Variants in TAFA1 observed in about 807,000 individuals in gnomAD.
TAFA1 encodes the protein chemokine-like protein TAFA-1.
A neutral mutation model predicts 18.5 loss-of-function variants in TAFA1; 4 were observed. That is an observed-to-expected ratio of 0.22 (90% CI 0.11 to 0.49). TAFA1 has a LOEUF of 0.49. Among genes scored for constraint, TAFA1 ranks in the 20% least tolerant of loss-of-function variants. The pLI is 0.98. For missense variants in TAFA1, 147 were observed against 169.0 expected (o/e 0.87, Z 0.72); for synonymous variants, 56 against 55.2 (o/e 1.01, Z -0.06).
intron 3 of TAFA1, among the ~76,000 whole-genome samples, chr3:68,526,578 G>A (rs1249687124): frequency 6.6e-6 from 1 of 152,088 alleles, no homozygotes; most frequent in East Asian, 1.9e-4. Context: ...TATAAAAAGA[G>A]GAAAGAGTAC....
At chr3:68,259,835 G>C (rs1392067802) in intron 2 of TAFA1, among the ~76,000 whole-genome samples, 1 of 152,002 alleles carries the variant, frequency 6.6e-6, no homozygotes, top group Admixed American at 6.6e-5. Context: ...AGGAGATTTT[G>C]GGCTGAGACA....
intron 2 of TAFA1, among the ~76,000 whole-genome samples, chr3:68,158,670 T>G (rs1393330545): frequency 6.6e-6 from 1 of 152,144 alleles, no homozygotes; most frequent in Non-Finnish European, 1.5e-5. Flanking sequence ...ATGCTAGAGT[T>G]GTACTCTGAG....
chr3:68,263,755 C>T (rs910383713), intron 2 of TAFA1, among the ~76,000 whole-genome samples: 1 of 152,032 alleles, frequency 6.6e-6, no homozygotes, highest in African/African-American at 2.4e-5. Flanking sequence ...GCACTGGGCA[C>T]CCAGCATCCT....
intron 2 of TAFA1, among the ~76,000 whole-genome samples, chr3:68,402,199 C>T (rs72914726): frequency 0.055 from 8,345 of 152,072 alleles, 630 homozygotes; most frequent in African/African-American, 0.17. Context: ...CCCTCCACCC[C>T]GAAGCTCACC....
intron 3 of TAFA1, among the ~76,000 whole-genome samples, chr3:68,537,206 G>T (rs1273951211): frequency 2.0e-5 from 3 of 151,952 alleles, no homozygotes; most frequent in Non-Finnish European, 4.4e-5. Flanking sequence ...AAGTGTAGGG[G>T]GCAAAGAAAA....
intron 2 of TAFA1, among the ~76,000 whole-genome samples, chr3:68,069,521 C>A (rs545151928): frequency 1.3e-5 from 2 of 152,248 alleles, no homozygotes; most frequent in Admixed American, 6.5e-5. Flanking sequence ...CACAGCCAAA[C>A]CGTATCATTC....
chr3:68,093,781 G>C (rs1224324510), intron 2 of TAFA1, among the ~76,000 whole-genome samples: 1 of 151,926 alleles, frequency 6.6e-6, no homozygotes, highest in Non-Finnish European at 1.5e-5. Context: ...GATAAAGGTT[G>C]ATGAAAAATA....
chr3:68,222,197 A>AG (rs397792977), intron 2 of TAFA1, among the ~76,000 whole-genome samples: 1 of 151,764 alleles, frequency 6.6e-6, no homozygotes, highest in Admixed American at 6.6e-5. Context: ...AAGCCTAAAA[A>AG]CAGTTGATGT....
At chr3:68,078,266 T>C (rs558031940) in intron 2 of TAFA1, among the ~76,000 whole-genome samples, 40 of 151,842 alleles carry the variant, frequency 2.6e-4, no homozygotes, top group Admixed American at 9.8e-4. Flanking sequence ...ACAGGGACAA[T>C]TTGACTTCCT....
intron 2 of TAFA1, among the ~76,000 whole-genome samples, chr3:68,088,151 A>G (rs1026901124): frequency 1.3e-5 from 2 of 152,222 alleles, no homozygotes; most frequent in African/African-American, 4.8e-5. Context: ...AATATTTTAC[A>G]TAAATCATAC....
At chr3:68,499,594 G>A (rs2668168) in intron 3 of TAFA1, among the ~76,000 whole-genome samples, 30,082 of 151,542 alleles carry the variant, frequency 0.2, 3,062 homozygotes, top group Middle Eastern at 0.24. Flanking sequence ...TCTTATGGGC[G>A]AGGGCCAGGC....
chr3:68,465,807 C>T (rs972156667), intron 3 of TAFA1, among the ~76,000 whole-genome samples: 2 of 152,064 alleles, frequency 1.3e-5, no homozygotes, highest in African/African-American at 4.8e-5. Context: ...ACATTCCTAA[C>T]TGAAAAATGT....
intron 2 of TAFA1, among the ~76,000 whole-genome samples, chr3:68,096,279 A>G (rs925777788): frequency 1.3e-5 from 2 of 152,150 alleles, no homozygotes; most frequent in Admixed American, 6.6e-5. Flanking sequence ...TTTATGGTCA[A>G]ATAGTATTCC....
chr3:68,467,593 A>G (rs2071913483), intron 3 of TAFA1, among the ~76,000 whole-genome samples: 1 of 152,226 alleles, frequency 6.6e-6, no homozygotes, highest in Admixed American at 6.5e-5. Context: ...ATTTACAGCC[A>G]AGGAGCAGTG....
At chr3:68,065,051 C>G (rs1332478209) in intron 2 of TAFA1, among the ~76,000 whole-genome samples, 1 of 151,950 alleles carries the variant, frequency 6.6e-6, no homozygotes, top group Non-Finnish European at 1.5e-5. Context: ...AGATTTTAAG[C>G]TTTGTAAGTG....
At chr3:68,396,333 C>T (rs1322914664) in intron 2 of TAFA1, among the ~76,000 whole-genome samples, 2 of 152,144 alleles carry the variant, frequency 1.3e-5, no homozygotes, top group Non-Finnish European at 2.9e-5. Flanking sequence ...ACATCAAGAG[C>T]TAGAATGTTA....
At chr3:68,232,294 CAT>C (rs1271843815) in intron 2 of TAFA1, among the ~76,000 whole-genome samples, 27 of 152,284 alleles carry the variant, frequency 1.8e-4, no homozygotes, top group Admixed American at 1.6e-3. Context: ...TTAGCTCCCC[CAT>C]ATGAGTGAGA....
chr3:68,286,633 A>G (rs2068013769), intron 2 of TAFA1, among the ~76,000 whole-genome samples: 1 of 152,208 alleles, frequency 6.6e-6, no homozygotes, highest in Non-Finnish European at 1.5e-5. Context: ...CTTGAATTTC[A>G]TTCAGAAAGT....
At chr3:68,003,660 T>C (rs1025635248), upstream of TAFA1, among the ~76,000 whole-genome samples, 3 of 152,144 alleles carry the variant, frequency 2.0e-5, no homozygotes, top group Admixed American at 6.5e-5. Flanking sequence ...ATGTTGAACT[T>C]CTGAGTGTTT....
Sources: gnomAD v4.1 joint callset for allele counts (sites outside exome capture counted in the v4.1 genomes callset) on GRCh38, gnomAD v4.1.1 for gene constraint, MANE v1.5 for transcripts, NCBI Gene and HGNC (gene_info 2026-07-23, HGNC 2026-07-21) for gene names.